The following UBTF variants were observed in gnomAD, a reference collection of about 807,000 sequenced individuals.
UBTF encodes the protein nucleolar transcription factor 1.
In UBTF, 8 loss-of-function variants were observed where a neutral mutation model predicts 112.3. The observed-to-expected ratio is 0.07, with a 90% confidence interval of 0.04 to 0.13. The LOEUF is 0.13. Ranked by LOEUF, UBTF falls within the 10% of genes least tolerant of loss-of-function variation. UBTF has a pLI of 1.00. For synonymous variants in UBTF, 417 were observed against 373.1 expected, an observed-to-expected ratio of 1.12 and a Z score of -1.36; for missense variants, 457 against 982.1, an observed-to-expected ratio of 0.47 and a Z score of 7.15.
rs2228196 is a variant in UBTF, at chr17:44,211,293, G to C, written c.1086C>G (p.Leu362=). Residue 362 remains leucine (L), a synonymous_variant, in exon 11 of 21, where the codon CTC becomes CTG. Transcript: ENST00000436088. The surrounding 1 kb of genome is among the most constrained non-coding windows in gnomAD (Gnocchi z 4.9). ...KDYEVELLRF[L]ESLPEEEQQR... The stretch of plus-strand genomic sequence containing the variant: ...GCCCCACCGGAGGAACACTCACCTC[G>C]AGGAAACGGAGCAGCTCCACCTCGT... 6.2e-7 allele frequency: 1 copy of C among 1,614,160 alleles called. No homozygotes were observed. Among genetic ancestry groups the C allele is most frequent in the Non-Finnish European group, 8.5e-7 (1 of 1,180,030 alleles).
intron 16 of UBTF, 46 bp downstream of exon 16, chr17:44,209,599 C>T (rs1317986744): frequency 6.2e-7 from 1 of 1,613,924 alleles, no homozygotes; most frequent in Non-Finnish European, 8.5e-7. Flanking sequence ...CCATCCAGCC[C>T]TGACCCTCCC....
intron 15 of UBTF, 110 bp downstream of exon 15, chr17:44,210,014 G>T: frequency 8.7e-7 from 1 of 1,145,066 alleles, no homozygotes; most frequent in Non-Finnish European, 1.3e-6. Context: ...AGGAAGCTGA[G>T]ACTTGCTGAG....
intron 5 of UBTF, among the ~76,000 whole-genome samples, chr17:44,213,601 C>G (rs2046689475): frequency 6.6e-6 from 1 of 152,214 alleles, no homozygotes; most frequent in South Asian, 2.1e-4. Flanking sequence ...CGCTGAGCCT[C>G]CCCCACTCGT....
At chr17:44,212,177 TG>T in intron 8 of UBTF, 166 bp downstream of exon 8, 2 of 183,632 alleles carry the variant, frequency 1.1e-5, no homozygotes, top group East Asian at 1.4e-4. Context: ...TGAGATCTCA[TG>T]GGGGTGGGGG....
At chr17:44,220,298 C>G (rs1274046159), upstream of UBTF, among the ~76,000 whole-genome samples, 2 of 151,876 alleles carry the variant, frequency 1.3e-5, no homozygotes, top group South Asian at 2.1e-4. Context: ...GCCCACAGCC[C>G]TGCTCCGGAG....
At position 44,213,199 on chromosome 17, in the gene UBTF, C is replaced by G. The variant is rs753355524; in HGVS notation, c.539+19G>C. 6.2e-7 allele frequency: 1 copy of G among 1,611,902 alleles called. No homozygotes were observed. The highest frequency in any genetic ancestry group is 8.5e-7 in the Non-Finnish European group (1 of 1,178,768). On this transcript the variant is annotated intron_variant, in intron 6 of 20. Coordinates refer to ENST00000436088, the MANE Select transcript of UBTF (RefSeq NM_014233.4). The stretch of plus-strand genomic sequence containing the variant: ...GCCCCCAGTGCCCCGTGGCCCTCCT[C>G]TGGGCTCCACTGCCTTACCTGAATC...
intron 2 of UBTF, among the ~76,000 whole-genome samples, chr17:44,217,521 C>T (rs1348394647): frequency 6.6e-6 from 1 of 152,164 alleles, no homozygotes; most frequent in Non-Finnish European, 1.5e-5. Flanking sequence ...AGAATAGCCA[C>T]CCAAGGCCAG....
intron 5 of UBTF, 90 bp downstream of exon 5, chr17:44,215,564 G>C: frequency 1.3e-6 from 2 of 1,525,102 alleles, no homozygotes; most frequent in Non-Finnish European, 8.9e-7. Context: ...CTGATGCCAG[G>C]TTTCTCCAAG....
intron 17 of UBTF, chr17:44,208,839 G>A (rs2056451555): frequency 2.0e-5 from 6 of 296,508 alleles, no homozygotes; most frequent in South Asian, 1.2e-4. Context: ...CTTACTGTGT[G>A]ACCTTGGGCA....
chr17:44,216,086 A>C (rs2046830643), intron 3 of UBTF, 97 bp from the exon 4 acceptor site: 6 of 983,520 alleles, frequency 6.1e-6, no homozygotes, highest in South Asian at 2.9e-5. Context: ...TCTACTCTTT[A>C]CTAGACTAAA....
intron 2 of UBTF, 112 bp downstream of exon 2, chr17:44,218,060 C>T: frequency 9.4e-7 from 1 of 1,067,254 alleles, no homozygotes; most frequent in Non-Finnish European, 1.4e-6. Context: ...GGCACTTTCT[C>T]CCCCAGTTCA....
chr17:44,216,434 C>T, intron 3 of UBTF, 95 bp downstream of exon 3: 1 of 1,442,940 alleles, frequency 6.9e-7, no homozygotes, highest in Non-Finnish European at 9.6e-7. Context: ...AATGCCTCTC[C>T]TGGTCTCTTT....
Position 44,212,367 on chromosome 17 carries a change from G to C in UBTF, c.748C>G (p.Leu250Val). Residue 250 changes from leucine to valine, a missense_variant, in exon 8 of 21, where the codon CTG (leucine) becomes GTG (valine). Coordinates refer to ENST00000436088, the MANE Select transcript of UBTF (RefSeq NM_014233.4). ...KKRLKWIHKA[L>V]EQRKEYEEIM... ...ACCTCGTACTCCTTCCGCTGCTCCA[G>C]GGCCTTATGAATCCATTTCAGCCTC... The C allele has an allele frequency of 1.2e-6, 2 of 1,613,304 alleles. No individual in the cohort carries two copies. Among genetic ancestry groups the C allele is most frequent in the Non-Finnish European group, 1.7e-6 (2 of 1,179,918 alleles).
At chr17:44,218,594 C>CAAAAAAA (rs71160095) in intron 1 of UBTF, 115 of 83,714 alleles carry the variant, frequency 1.4e-3, no homozygotes, top group South Asian at 3.1e-3. Flanking sequence ...CAACCCCAGC[C>CAAAAAAA]AAAAAAAAAA....
chr17:44,213,348 A>ACCCAGACCC, intron 5 of UBTF, 66 bp from the exon 6 acceptor site: 1 of 1,528,246 alleles, frequency 6.5e-7, no homozygotes, highest in Non-Finnish European at 8.9e-7. Flanking sequence ...TATGAAGGCC[A>ACCCAGACCC]CCCAGACCCC....
At position 44,211,241 on chromosome 17, in the gene UBTF, GCCAAGTCCCAGTCTTCTCTGC is replaced by G. The variant is rs1567796536; in HGVS notation, c.1089+28_1089+48del. 6.2e-7 allele frequency: 1 copy of G among 1,614,012 alleles called. No individual in the cohort carries two copies. On this transcript the variant is annotated intron_variant, in intron 11 of 20. Coordinates refer to ENST00000436088, the MANE Select transcript of UBTF (RefSeq NM_014233.4). This position sits in a 1 kb window ranked among gnomAD's most constrained non-coding sequence, Gnocchi z 4.9. ...CCAGGGGCTCACCAGGGCTCTGCCT[GCCAAGTCCCAGTCTTCTCTGC>G]CCACTGCCCCACCGGAGGAACACTC...
intron 5 of UBTF, chr17:44,215,241 A>G (rs1459819926): frequency 5.8e-6 from 1 of 173,046 alleles, no homozygotes; most frequent in Non-Finnish European, 1.2e-5. Flanking sequence ...TTCCTTGCCC[A>G]CAAAACTGGG....
rs1204250298 is a variant in UBTF, at chr17:44,206,488, T to G, written c.*754A>C. 6.6e-6 allele frequency: 1 copy of G among 150,452 alleles called. No individual in the cohort carries two copies. Among genetic ancestry groups the G allele is most frequent in the African/African-American group, 2.5e-5 (1 of 40,388 alleles). 9.3% of individuals were successfully genotyped at this position (150,452 alleles called of 1,614,324 possible). On this transcript the variant is annotated 3_prime_UTR_variant, in exon 21 of 21. Transcript: ENST00000436088. ...CCCATGCTATGTACAGGAACACACATACACATACTCTCTTCCACATACATC... is the reference window on the plus strand; with the variant it reads ...CCCATGCTATGTACAGGAACACACAGACACATACTCTCTTCCACATACATC...
intron 7 of UBTF, 56 bp from the exon 8 acceptor site, chr17:44,212,510 G>T: frequency 2.3e-6 from 1 of 430,702 alleles, no homozygotes; most frequent in Admixed American, 2.8e-5. Context: ...GGGGAGGGGG[G>T]AAGGGGGAAG....
Sources: allele counts gnomAD v4.1 joint callset (sites outside exome capture counted in the v4.1 genomes callset), GRCh38; gene constraint gnomAD v4.1.1; non-coding constraint Gnocchi (gnomAD v3.1); transcripts MANE v1.5; gene names NCBI Gene and HGNC (gene_info 2026-07-23, HGNC 2026-07-21).